Variants in RSU1 observed in about 807,000 individuals in gnomAD.
RSU1 encodes the protein rsu-1.
A neutral mutation model predicts 31.1 loss-of-function variants in RSU1; 26 were observed. The observed-to-expected ratio is 0.84, with a 90% CI of 0.61 to 1.16. The LOEUF (loss-of-function observed/expected upper bound fraction) is 1.16. RSU1 is among the 50% of genes most tolerant of loss of function. RSU1 has a pLI of 0.00. For synonymous variants in RSU1, 164 were observed against 136.3 expected (o/e 1.20, Z -1.41); for missense variants, 320 against 339.1 (o/e 0.94, Z 0.44).
intron 8 of RSU1, among the ~76,000 whole-genome samples, chr10:16,692,006 A>G (rs1835564880): frequency 2.0e-5 from 3 of 151,990 alleles, no homozygotes; most frequent in Admixed American, 1.3e-4. Context: ...GAATCACCCC[A>G]CAATTCACCC....
intron 3 of RSU1, among the ~76,000 whole-genome samples, chr10:16,769,026 C>T (rs2004488): frequency 6.6e-6 from 1 of 152,106 alleles, no homozygotes; most frequent in Non-Finnish European, 1.5e-5. Context: ...CCAGCCGGTA[C>T]TGCACCACTG....
In RSU1 at chr10:16,604,174, C is replaced by T. The variant is rs574633165; in HGVS notation, c.732-10678G>A. Among the ~76,000 whole-genome samples, 18 of 152,244 alleles carry T rather than the reference C, an allele frequency of 1.2e-4. No homozygotes were observed. In the South Asian group the frequency reaches 3.1e-3, roughly 26 times the overall value. On this transcript the variant is annotated intron_variant, in intron 8 of 8. Coordinates refer to ENST00000345264, the MANE Select transcript of RSU1 (RefSeq NM_012425.4). The stretch of plus-strand genomic sequence containing the variant: ...GTGAGGCACCACCCCAAAACTTGAA[C>T]GTATGGGGAAATAAGGTTTTCCCCT...
chr10:16,679,173 A>C (rs776352645), intron 8 of RSU1, among the ~76,000 whole-genome samples: 2 of 152,198 alleles, frequency 1.3e-5, no homozygotes, highest in Non-Finnish European at 2.9e-5. Flanking sequence ...GGAACACTCC[A>C]GACCCCAGAA....
chr10:16,679,757 G>A (rs1329522116), intron 8 of RSU1, among the ~76,000 whole-genome samples: 2 of 151,810 alleles, frequency 1.3e-5, no homozygotes, highest in Non-Finnish European at 2.9e-5. Flanking sequence ...CAGCTCCCAC[G>A]TGGCCCACCA....
chr10:16,766,066 A>C (rs1837307543), intron 3 of RSU1, among the ~76,000 whole-genome samples: 1 of 152,252 alleles, frequency 6.6e-6, no homozygotes, highest in Non-Finnish European at 1.5e-5. Flanking sequence ...CTAAGGTATC[A>C]CTGGCCTTTT....
intron 7 of RSU1, among the ~76,000 whole-genome samples, chr10:16,729,905 G>A (rs765388290): frequency 2.0e-5 from 3 of 152,114 alleles, no homozygotes; most frequent in Admixed American, 1.3e-4. Context: ...GTGTACCTGG[G>A]CTTATGTCTT....
At chr10:16,665,967 C>T (rs967442361) in intron 8 of RSU1, among the ~76,000 whole-genome samples, 1 of 152,068 alleles carries the variant, frequency 6.6e-6, no homozygotes, top group Non-Finnish European at 1.5e-5. Context: ...CAATTGTGAA[C>T]CTGAAATATA....
At chr10:16,740,805 G>A (rs545877088) in intron 7 of RSU1, among the ~76,000 whole-genome samples, 2 of 152,054 alleles carry the variant, frequency 1.3e-5, no homozygotes, top group African/African-American at 4.8e-5. Flanking sequence ...GAAAGAAATC[G>A]AAGATCTAAA....
At position 16,752,388 on chromosome 10, in the gene RSU1, G is replaced by A. The variant is rs117441149; in HGVS notation, c.598+151C>T. On this transcript the variant is annotated intron_variant, in intron 7 of 8. Transcript: ENST00000345264. ...GTCAAACCTGTAACAGCTAACTCTG[G>A]TCAATGACAAATGGTTCTCAAATGA... 235 of 608,210 alleles carry A rather than the reference G, an allele frequency of 3.9e-4. 1 individual carries two copies. In the East Asian group the frequency reaches 6.7e-3, roughly 17 times the overall value. The allele number at this position is 608,210 out of a possible 1,614,324, so 37.7% of individuals were successfully genotyped here.
At chr10:16,693,903 G>A (rs1433203024) in intron 8 of RSU1, among the ~76,000 whole-genome samples, 1 of 152,032 alleles carries the variant, frequency 6.6e-6, no homozygotes, top group East Asian at 1.9e-4. Context: ...AATTTTAAAA[G>A]TTGATGTCAG....
chr10:16,725,668 G>A (rs1362489491), intron 7 of RSU1, among the ~76,000 whole-genome samples: 2 of 151,588 alleles, frequency 1.3e-5, no homozygotes, highest in African/African-American at 4.9e-5. Context: ...TCCAGAGGAT[G>A]CAGTGTCACC....
intron 8 of RSU1, among the ~76,000 whole-genome samples, chr10:16,615,807 G>T (rs1323631506): frequency 1.3e-5 from 2 of 152,144 alleles, no homozygotes; most frequent in Non-Finnish European, 2.9e-5. Context: ...GCAGAAAAAA[G>T]TAAGTTCTCT....
chr10:16,691,902 C>A (rs1340298655), intron 8 of RSU1, among the ~76,000 whole-genome samples: 1 of 151,938 alleles, frequency 6.6e-6, no homozygotes, highest in Non-Finnish European at 1.5e-5. Context: ...CCACACTCGG[C>A]TAATTTTTGT....
intron 7 of RSU1, among the ~76,000 whole-genome samples, chr10:16,709,441 T>G (rs1242856816): frequency 2.0e-5 from 3 of 152,222 alleles, no homozygotes; most frequent in African/African-American, 7.2e-5. Context: ...TTGTGAATAG[T>G]GCCGCAATAA....
chr10:16,692,609 C>T (rs1386271214), intron 8 of RSU1, among the ~76,000 whole-genome samples: 1 of 152,078 alleles, frequency 6.6e-6, no homozygotes, highest in Non-Finnish European at 1.5e-5. Flanking sequence ...CCATCTAAAA[C>T]TCACGATAGC....
At chr10:16,804,607 A>C (rs1276534230) in intron 2 of RSU1, among the ~76,000 whole-genome samples, 1 of 152,250 alleles carries the variant, frequency 6.6e-6, no homozygotes, top group African/African-American at 2.4e-5. Context: ...ACTGTGGTAC[A>C]TCCAGACAAT....
intron 7 of RSU1, among the ~76,000 whole-genome samples, chr10:16,704,462 T>C (rs1293301580): frequency 6.6e-6 from 1 of 152,236 alleles, no homozygotes; most frequent in Non-Finnish European, 1.5e-5. Context: ...AACCAATTTA[T>C]CTGGCTCTTT....
At chr10:16,759,611 A>T (rs1837167334) in intron 4 of RSU1, among the ~76,000 whole-genome samples, 1 of 152,252 alleles carries the variant, frequency 6.6e-6, no homozygotes. Flanking sequence ...AACGAGGTCA[A>T]ACGTTATTCC....
At chr10:16,608,230 A>G (rs112115007) in intron 8 of RSU1, among the ~76,000 whole-genome samples, 1,880 of 152,300 alleles carry the variant, frequency 0.012, 34 homozygotes, top group African/African-American at 0.041. Flanking sequence ...GGAGCAGACC[A>G]GGTGTGGTGG....
Sources: gnomAD v4.1 joint callset for allele counts (sites outside exome capture counted in the v4.1 genomes callset) on GRCh38, gnomAD v4.1.1 for gene constraint, MANE v1.5 for transcripts, NCBI Gene and HGNC (gene_info 2026-07-23, HGNC 2026-07-21) for gene names.